Variants in BRIX1 observed in about 807,000 individuals in gnomAD.
The protein encoded by BRIX1 is biogenesis of ribosomes BRX1.
A neutral mutation model predicts 44.0 loss-of-function variants in BRIX1; 15 were observed. That is an observed-to-expected ratio of 0.34 (90% CI 0.23 to 0.53). The LOEUF (loss-of-function observed/expected upper bound fraction) is 0.53. BRIX1 is among the 20% of genes least tolerant of loss of function. The pLI is 0.95. For synonymous variants in BRIX1, 149 were observed against 135.4 expected (o/e 1.10, Z -0.70); for missense variants, 420 against 432.8 (o/e 0.97, Z 0.26).
rs747541739 is a variant in BRIX1 at position 34,918,463 on chromosome 5, C to A, written c.259C>A (p.His87Asn). 2 of 1,592,772 alleles carry A rather than the reference C, an allele frequency of 1.3e-6. No homozygotes were observed. The highest frequency in any genetic ancestry group is 1.7e-6 in the Non-Finnish European group (2 of 1,167,592). The change falls in exon 2 of 10, where the codon CAT becomes AAT. Residue 87 changes from histidine (H) to asparagine (N), a missense_variant. Physicochemically the swap from His to Asn is moderately conservative, Grantham distance 68 (BLOSUM62 1). Coordinates refer to ENST00000336767, the MANE Select transcript of BRIX1 (RefSeq NM_018321.4). Reference protein sequence around the residue: ...LMQDLRMLMPHSKADTKMDRK... With the variant: ...LMQDLRMLMPNSKADTKMDRK... The stretch of plus-strand genomic sequence containing the variant: ...GCAGGACTTGAGAATGTTGATGCCT[C>A]ATTCTAAAGCAGGTGCCTTTATATC...
At chr5:34,918,182 T>TG (rs1346977166) in intron 1 of BRIX1, 182 bp from the exon 2 acceptor site, 1 of 412,812 alleles carries the variant, frequency 2.4e-6, no homozygotes, top group East Asian at 4.0e-5. Context: ...TGGTGGCACA[T>TG]GCCTGTAGTC....
intron 6 of BRIX1, 79 bp downstream of exon 6, chr5:34,922,847 C>G: frequency 7.2e-7 from 1 of 1,392,454 alleles, no homozygotes; most frequent in Admixed American, 1.8e-5. Context: ...TTGTGTTATT[C>G]AATTTAGTTT....
intron 3 of BRIX1, 83 bp downstream of exon 3, chr5:34,919,966 TA>T (rs1409229714): frequency 5.2e-6 from 3 of 580,090 alleles, no homozygotes; most frequent in Admixed American, 3.5e-5. Context: ...TCAGTGACTT[TA>T]AAAATTATTT....
At position 34,915,744 on chromosome 5, in the gene BRIX1, G is replaced by T; in HGVS notation, c.6G>T (p.Ala2=). The change falls in exon 1 of 10, where the codon GCG becomes GCT. Residue 2 remains alanine, a synonymous_variant. Coordinates refer to ENST00000336767, the MANE Select transcript of BRIX1 (RefSeq NM_018321.4). ...AGCGCGGGCGGCGAGGCAAGATGGC[G>T]GCAACCAAGAGGAAACGGCGTGGAG... The part of the protein sequence containing the change: M[A]ATKRKRRGGF... 1 of 1,601,082 alleles carries T rather than the reference G, an allele frequency of 6.2e-7. No individual in the cohort carries two copies. The highest frequency in any genetic ancestry group is 8.5e-7 in the Non-Finnish European group (1 of 1,174,068).
intron 4 of BRIX1, 47 bp downstream of exon 4, chr5:34,922,334 T>C: frequency 2.5e-6 from 3 of 1,216,894 alleles, no homozygotes; most frequent in East Asian, 2.3e-5. Context: ...TAAGTGGATT[T>C]GTTCTTTGTA....
At position 34,925,498 on chromosome 5, in the gene BRIX1, C is replaced by T; in HGVS notation, c.*3C>T. The T allele has an allele frequency of 8.1e-6, 13 of 1,599,420 alleles. No homozygotes were observed. Among genetic ancestry groups the T allele is most frequent in the Non-Finnish European group, 9.4e-6 (11 of 1,174,350 alleles). ...TGGACAGTGGGAAAACAAAATAAGT[C>T]AATGGAAACCTGATTTGTTTTTCAG... On this transcript the variant is annotated 3_prime_UTR_variant, in exon 10 of 10. Coordinates refer to ENST00000336767, the MANE Select transcript of BRIX1 (RefSeq NM_018321.4).
intron 3 of BRIX1, chr5:34,921,524 G>T (rs1375284487): frequency 6.6e-6 from 1 of 152,154 alleles, no homozygotes; most frequent in Non-Finnish European, 1.5e-5. Flanking sequence ...GATTATGAAG[G>T]ATTAACATAA....
chr5:34,921,209 A>G (rs747766515), intron 3 of BRIX1: 39 of 152,320 alleles, frequency 2.6e-4, no homozygotes, highest in South Asian at 4.1e-4. Context: ...AGAGTTTATG[A>G]ATACTACAGT....
In BRIX1 at chr5:34,915,838, G is replaced by T. The variant is rs1273256039; in HGVS notation, c.100G>T (p.Ala34Ser). ...IDAEPPAKRH[A>S]TAEEVEEEER... ...TGCGGAGCCGCCAGCTAAGCGGCAC[G>T]CCACAGCAGAGGAGGTGGAGGAAGA... The change falls in exon 1 of 10, where the codon GCC becomes TCC. Residue 34 changes from alanine (A) to serine (S), a missense_variant. Transcript: ENST00000336767. 3 of 1,570,122 alleles carry T rather than the reference G, an allele frequency of 1.9e-6. No homozygotes were observed. The African/African-American group carries it at 4.1e-5, about 21-fold the overall frequency.
rs1324541130 is a variant in BRIX1, at chr5:34,925,416, A to G, written c.983A>G (p.Asp328Gly). The change falls in exon 10 of 10, where the codon GAT becomes GGT. Residue 328 changes from aspartate to glycine, a missense_variant. Coordinates refer to ENST00000336767, the MANE Select transcript of BRIX1 (RefSeq NM_018321.4). ...IQWVKPEPKV[D>G]LKARKKRIYK... is the part of the protein sequence containing the mutation. ...TGGGTAAAACCAGAGCCAAAAGTTG[A>G]TTTGAAAGCAAGAAAGAAACGGATT... The G allele has an allele frequency of 3.7e-6, 6 of 1,613,890 alleles. No individual in the cohort carries two copies. The highest frequency in any genetic ancestry group is 5.1e-6 in the Non-Finnish European group (6 of 1,179,992).
At chr5:34,924,349 T>G (rs1444531434) in intron 8 of BRIX1, among the ~76,000 whole-genome samples, 1 of 152,230 alleles carries the variant, frequency 6.6e-6, no homozygotes, top group Non-Finnish European at 1.5e-5. Flanking sequence ...ATGCCTGAAC[T>G]AATAGATAAC....
In BRIX1 at chr5:34,922,528, A is replaced by G; in HGVS notation, c.387-11A>G. Reference sequence around the variant, plus strand: ...CTAATTAGTTGAAAAAGCTTACTCCATATCTTTCAGGCTTTCAAATTCACC... The same window carrying G: ...CTAATTAGTTGAAAAAGCTTACTCCGTATCTTTCAGGCTTTCAAATTCACC... On this transcript the variant is annotated splice_polypyrimidine_tract_variant and intron_variant, in intron 4 of 9. Coordinates refer to ENST00000336767, the MANE Select transcript of BRIX1 (RefSeq NM_018321.4). 1.9e-6 allele frequency: 3 copies of G among 1,586,050 alleles called. No homozygotes were observed. Among genetic ancestry groups the G allele is most frequent in the Non-Finnish European group, 2.6e-6 (3 of 1,155,456 alleles).
chr5:34,924,883 C>A lies in BRIX1; in HGVS notation c.700C>A (p.Pro234Thr). The change falls in exon 9 of 10, where the codon CCT becomes ACT. Residue 234 changes from proline to threonine, a missense_variant. Transcript: ENST00000336767. ...AGATGCTGCTCTTGTAGAAATAGGA[C>A]CTCGTTTTGTCTTAAATCTCATAAA... Reference protein sequence around the residue: ...EEDAALVEIGPRFVLNLIKIF... With the variant: ...EEDAALVEIGTRFVLNLIKIF... The A allele has an allele frequency of 6.2e-7, 1 of 1,605,834 alleles. No individual in the cohort carries two copies. The highest frequency in any genetic ancestry group is 8.5e-7 in the Non-Finnish European group (1 of 1,172,658).
chr5:34,925,469 A>G lies in BRIX1; in HGVS notation c.1036A>G (p.Arg346Gly). 6.2e-7 allele frequency: 1 copy of G among 1,613,034 alleles called. No homozygotes were observed. The highest frequency in any genetic ancestry group is 8.5e-7 in the Non-Finnish European group (1 of 1,179,714). ...CAAAAGGCAAAGAAAAATGAAACAG[A>G]GGATGGACAGTGGGAAAACAAAATA... ...IYKRQRKMKQ[R>G]MDSGKTK Residue 346 changes from arginine to glycine, a missense_variant, in exon 10 of 10, where the codon AGG becomes GGG. Physicochemically the swap from Arg to Gly is moderately radical, Grantham distance 125. Transcript: ENST00000336767.
In BRIX1 at chr5:34,919,869, T is replaced by A. The variant is rs1764203202; in HGVS notation, c.301T>A (p.Phe101Ile). The A allele has an allele frequency of 8.4e-7, 1 of 1,195,964 alleles. No homozygotes were observed. Among genetic ancestry groups the A allele is most frequent in the Non-Finnish European group, 1.2e-6 (1 of 832,970 alleles). 74.1% of individuals were successfully genotyped at this position (1,195,964 alleles called of 1,614,324 possible). ...DTKMDRKDKL[F>I]VINEVCEMKN... ...TAAAATGGATCGTAAGGATAAGCTA[T>A]TTGTGATTAACGAGGTAATTTTGGA... The change falls in exon 3 of 10, where the codon TTT becomes ATT. Residue 101 changes from phenylalanine (F) to isoleucine (I), a missense_variant. By Grantham distance (21) the Phe-to-Ile change is conservative (BLOSUM62 0). Transcript: ENST00000336767.
chr5:34,921,711 G>C (rs2111981108), intron 3 of BRIX1: 1 of 152,622 alleles, frequency 6.6e-6, no homozygotes, highest in Middle Eastern at 3.4e-3. Flanking sequence ...TTCAAGACCA[G>C]CCAGACCAAC....
intron 8 of BRIX1, among the ~76,000 whole-genome samples, chr5:34,924,088 G>A (rs1764298649): frequency 6.6e-6 from 1 of 152,170 alleles, no homozygotes; most frequent in African/African-American, 2.4e-5. Context: ...AATTGCTCTA[G>A]AAGGCATTCA....
chr5:34,922,206 G>A lies in BRIX1; in HGVS notation c.316-11G>A. 1 of 1,487,588 alleles carries A rather than the reference G, an allele frequency of 6.7e-7. No homozygotes were observed. Among genetic ancestry groups the A allele is most frequent in the Non-Finnish European group, 9.2e-7 (1 of 1,081,170 alleles). The allele number at this position is 1,487,588 out of a possible 1,614,324, so 92.1% of individuals were successfully genotyped here. A position where few individuals can be genotyped will look rare whatever the true frequency, so the allele number is the denominator to read the frequency against. On this transcript the variant is annotated splice_polypyrimidine_tract_variant and intron_variant, in intron 3 of 9. Transcript: ENST00000336767. ...TATCTACTTCATTTTCCTATACTTT[G>A]CTTCCTTTAGGTTTGTGAAATGAAG...
chr5:34,923,861 C>T (rs1764293581), intron 8 of BRIX1, among the ~76,000 whole-genome samples: 1 of 152,176 alleles, frequency 6.6e-6, no homozygotes, highest in Non-Finnish European at 1.5e-5. Context: ...CTACCTACTT[C>T]TATTCATGAC....
Sources: gnomAD v4.1 joint callset for allele counts (sites outside exome capture counted in the v4.1 genomes callset) on GRCh38, gnomAD v4.1.1 for gene constraint, MANE v1.5 for transcripts, NCBI Gene and HGNC (gene_info 2026-07-23, HGNC 2026-07-21) for gene names.